Variants in SERGEF observed in about 807,000 individuals in gnomAD.
SERGEF encodes the protein secretion regulating guanine nucleotide exchange factor.
SERGEF carries 51 observed loss-of-function variants against 50.0 expected under a neutral mutation model. That is an observed-to-expected ratio of 1.02 (90% CI 0.81 to 1.29). The LOEUF (loss-of-function observed/expected upper bound fraction) is 1.29. Ranked by LOEUF, SERGEF falls within the 50% of genes most tolerant of loss-of-function variation. The probability of loss-of-function intolerance (pLI) is 0.00; values close to 1 mark genes in which losing one functional copy is unlikely to be tolerated. For synonymous variants in SERGEF, 205 were observed against 212.4 expected, an observed-to-expected ratio of 0.97 and a Z score of 0.30; for missense variants, 521 against 557.0, an observed-to-expected ratio of 0.94 and a Z score of 0.65.
In SERGEF at chr11:17,957,419, C is replaced by T. The variant is rs974829863; in HGVS notation, c.1011+2051G>A. Among the ~76,000 whole-genome samples, 18 of 152,062 alleles carry T rather than the reference C, an allele frequency of 1.2e-4. No homozygotes were observed. The South Asian group carries it at 1.2e-3, about 11-fold the overall frequency. ...TATCTTGCCAATAGAACTAGAGACT[C>T]GGAAAAATCTAAGAATCCTCTGTTC... On this transcript the variant is annotated intron_variant, in intron 9 of 10. Transcript: ENST00000265965.
At chr11:18,000,849 C>T in intron 4 of SERGEF, 1 of 560,734 alleles carries the variant, frequency 1.8e-6, no homozygotes, top group Non-Finnish European at 3.4e-6. Flanking sequence ...TGTAAAGGGA[C>T]AGTTAGTAAA....
chr11:17,939,304 G>T (rs758437), intron 9 of SERGEF, among the ~76,000 whole-genome samples: 18,948 of 152,196 alleles, frequency 0.12, 1,377 homozygotes, highest in Middle Eastern at 0.22. Flanking sequence ...TAAGTTATTT[G>T]CTTTCTAATT....
chr11:17,994,047 T>C (rs1040864493), intron 6 of SERGEF, among the ~76,000 whole-genome samples: 1 of 152,124 alleles, frequency 6.6e-6, no homozygotes, highest in African/African-American at 2.4e-5. Flanking sequence ...TGCTAAAATA[T>C]AGAGCAAAAT....
At chr11:17,801,320 C>G (rs548322644) in intron 10 of SERGEF, among the ~76,000 whole-genome samples, 1 of 151,988 alleles carries the variant, frequency 6.6e-6, no homozygotes, top group Non-Finnish European at 1.5e-5. Flanking sequence ...ATGACAAATT[C>G]TGATTTACAT....
chr11:17,894,984 A>G (rs1297867576), intron 9 of SERGEF, among the ~76,000 whole-genome samples: 2 of 152,208 alleles, frequency 1.3e-5, no homozygotes, highest in South Asian at 2.1e-4. Flanking sequence ...GTATGGGGAA[A>G]GGCAGCACAG....
intron 9 of SERGEF, among the ~76,000 whole-genome samples, chr11:17,923,852 A>G (rs924279664): frequency 6.6e-6 from 1 of 152,132 alleles, no homozygotes; most frequent in African/African-American, 2.4e-5. Context: ...ACTATGACTT[A>G]CCTGTCTCAC....
At chr11:17,833,242 T>C (rs1226687823) in intron 10 of SERGEF, among the ~76,000 whole-genome samples, 1 of 152,172 alleles carries the variant, frequency 6.6e-6, no homozygotes, top group Non-Finnish European at 1.5e-5. Context: ...GGGGCCAACG[T>C]AGAGCTTGGG....
chr11:17,799,893 G>C (rs3802969), intron 10 of SERGEF, among the ~76,000 whole-genome samples: 59,415 of 152,154 alleles, frequency 0.39, 13,667 homozygotes, highest in East Asian at 0.72. Context: ...CAAAGCCCAA[G>C]TGCTGGGTTA....
chr11:17,791,687 G>A (rs938121741), intron 10 of SERGEF, among the ~76,000 whole-genome samples: 11 of 152,204 alleles, frequency 7.2e-5, no homozygotes, highest in Admixed American at 3.3e-4. Context: ...TAGTTGTGCC[G>A]CTTCAAGCAA....
In SERGEF at chr11:17,824,527, TG is replaced by T. The variant is rs371726062; in HGVS notation, c.1049-36115del. Among the ~76,000 whole-genome samples, 411 of 152,302 alleles carry T rather than the reference TG, an allele frequency of 2.7e-3. 2 individuals carry two copies. Among genetic ancestry groups the T allele is most frequent in the African/African-American group, 9.6e-3 (398 of 41,556 alleles). On this transcript the variant is annotated intron_variant, in intron 10 of 10. Coordinates refer to ENST00000265965, the MANE Select transcript of SERGEF (RefSeq NM_012139.4). ...TCATGCGTGAATGTATTAGTCTGCT[TG>T]GGCTGCCATAACAAAAAATACCACA...
At chr11:17,974,875 C>T (rs922987559) in intron 8 of SERGEF, among the ~76,000 whole-genome samples, 78 of 152,178 alleles carry the variant, frequency 5.1e-4, no homozygotes, top group African/African-American at 1.7e-3. Flanking sequence ...AAGGACATTG[C>T]TCTTATTTGT....
chr11:17,794,922 G>A (rs976137963), intron 10 of SERGEF, among the ~76,000 whole-genome samples: 2 of 152,350 alleles, frequency 1.3e-5, no homozygotes, highest in South Asian at 2.1e-4. Flanking sequence ...CTGTGCAGAG[G>A]AGCAGAAATC....
At chr11:17,942,434 TA>T (rs906995576) in intron 9 of SERGEF, among the ~76,000 whole-genome samples, 3 of 151,632 alleles carry the variant, frequency 2.0e-5, no homozygotes, top group Non-Finnish European at 4.4e-5. Context: ...TGCTGCTATA[TA>T]AAAAAAAAGT....
intron 9 of SERGEF, among the ~76,000 whole-genome samples, chr11:17,920,172 A>G (rs575476866): frequency 1.2e-3 from 188 of 150,862 alleles, no homozygotes; most frequent in African/African-American, 4.4e-3. Flanking sequence ...GCTTGAACCC[A>G]TGAAGCAGAG....
At chr11:17,861,619 T>A (rs182554282) in intron 10 of SERGEF, among the ~76,000 whole-genome samples, 1 of 152,232 alleles carries the variant, frequency 6.6e-6, no homozygotes, top group African/African-American at 2.4e-5. Context: ...TGAGCACACA[T>A]GAGGACCTAC....
At chr11:17,896,163 T>C (rs1373770287) in intron 9 of SERGEF, among the ~76,000 whole-genome samples, 1 of 152,216 alleles carries the variant, frequency 6.6e-6, no homozygotes, top group African/African-American at 2.4e-5. Flanking sequence ...TACATTTTAT[T>C]AAGATCATTG....
At chr11:17,983,496 G>A (rs560105477) in intron 8 of SERGEF, among the ~76,000 whole-genome samples, 1 of 152,312 alleles carries the variant, frequency 6.6e-6, no homozygotes, top group East Asian at 1.9e-4. Flanking sequence ...AGCCAGTCCT[G>A]TGCTGGATGC....
chr11:17,837,014 C>T (rs1328610978), intron 10 of SERGEF, among the ~76,000 whole-genome samples: 1 of 152,172 alleles, frequency 6.6e-6, no homozygotes, highest in Non-Finnish European at 1.5e-5. Flanking sequence ...CCCCTTTTCA[C>T]TTCTCCAAGC....
At chr11:18,010,267 T>C (rs1166422660) in intron 1 of SERGEF, 1 of 320,128 alleles carries the variant, frequency 3.1e-6, no homozygotes, top group African/African-American at 2.2e-5. Context: ...GACTCAAAGA[T>C]GGAAGAGTAA....
Sources: allele counts gnomAD v4.1 joint callset (sites outside exome capture counted in the v4.1 genomes callset), GRCh38; gene constraint gnomAD v4.1.1; transcripts MANE v1.5; gene names NCBI Gene and HGNC (gene_info 2026-07-23, HGNC 2026-07-21).